The following PARP8 variants were observed in gnomAD, a reference collection of about 807,000 sequenced individuals.
PARP8 encodes protein mono-ADP-ribosyltransferase PARP8.
Under a neutral mutation model 124.1 loss-of-function variants are expected in PARP8, and 51 were observed. The ratio of observed to expected loss-of-function variants is 0.41; its 90% CI spans 0.33 to 0.52. The LOEUF (loss-of-function observed/expected upper bound fraction) is 0.52, where lower values mean the gene tolerates loss of function less well. PARP8 is among the 20% of genes least tolerant of loss of function. The pLI is 0.21. For missense variants in PARP8, 860 were observed against 1,018.9 expected (o/e 0.84, Z 2.12); for synonymous variants, 391 against 361.5 (o/e 1.08, Z -0.93).
chr5:50,786,280 A>G (rs1451629841), intron 9 of PARP8, among the ~76,000 whole-genome samples: 2 of 152,020 alleles, frequency 1.3e-5, no homozygotes, highest in Non-Finnish European at 2.9e-5. Flanking sequence ...TTCTTGCCAA[A>G]TGACTCATAA....
Position 50,778,566 on chromosome 5 carries a change from A to G in PARP8, c.586A>G (p.Ile196Val). ...TTTAAATATATTTGTGCAGGAGGAG[A>G]TTGCTGTGGCTTGGGAAGTAATTCG... ...HIDVSFLDEEIAVAWEVIRTE... is the reference protein window; with the variant it reads ...HIDVSFLDEEVAVAWEVIRTE... Residue 196 changes from isoleucine (I) to valine (V), a missense_variant, in exon 9 of 26, where the codon ATT becomes GTT. Physicochemically the swap from Ile to Val is conservative, Grantham distance 29 (BLOSUM62 3). Around this residue, in one of 2 missense-constraint regions of PARP8, gnomAD observed 517 missense variants for 544.2 expected, o/e 0.95. Transcript: ENST00000281631. The G allele has an allele frequency of 4.4e-6, 7 of 1,605,592 alleles. No individual in the cohort carries two copies. The highest frequency in any genetic ancestry group is 6.0e-6 in the Non-Finnish European group (7 of 1,176,044).
intron 5 of PARP8, among the ~76,000 whole-genome samples, chr5:50,760,708 T>A (rs1162697290): frequency 6.6e-6 from 1 of 152,124 alleles, no homozygotes; most frequent in East Asian, 1.9e-4. Context: ...TTTGATGGGA[T>A]CCTTAAAATT....
chr5:50,702,120 C>A (rs1414362156), intron 2 of PARP8, among the ~76,000 whole-genome samples: 1 of 151,912 alleles, frequency 6.6e-6, no homozygotes, highest in Non-Finnish European at 1.5e-5. Flanking sequence ...TGTAAGTATT[C>A]GTTTGCTTTT....
chr5:50,822,295 A>T, intron 16 of PARP8, 40 bp from the exon 17 acceptor site: 1 of 1,430,778 alleles, frequency 7.0e-7, no homozygotes, highest in South Asian at 1.1e-5. Context: ...AGAGCTTATA[A>T]GCAAATGCTG....
At chr5:50,802,318 A>AT (rs1052039454) in intron 14 of PARP8, among the ~76,000 whole-genome samples, 2 of 151,330 alleles carry the variant, frequency 1.3e-5, no homozygotes, top group Non-Finnish European at 1.5e-5. Context: ...TACCAACTTG[A>AT]TTTTTTTTTA....
intron 2 of PARP8, among the ~76,000 whole-genome samples, chr5:50,697,824 A>G (rs973094849): frequency 6.6e-6 from 1 of 152,206 alleles, no homozygotes; most frequent in African/African-American, 2.4e-5. Flanking sequence ...TTTAAGTAAT[A>G]TTCTCATTTG....
chr5:50,763,720 A>G (rs1004020351), intron 7 of PARP8, among the ~76,000 whole-genome samples: 7 of 151,720 alleles, frequency 4.6e-5, no homozygotes, highest in African/African-American at 1.2e-4. Flanking sequence ...TTATTTGGTG[A>G]TAAATTTACA....
intron 2 of PARP8, among the ~76,000 whole-genome samples, chr5:50,702,872 G>T (rs189411922): frequency 2.6e-5 from 4 of 152,288 alleles, no homozygotes; most frequent in Admixed American, 6.5e-5. Context: ...CGTTCCTTAA[G>T]TGCTTCCTCT....
intron 2 of PARP8, among the ~76,000 whole-genome samples, chr5:50,689,092 T>G (rs1752214438): frequency 6.6e-6 from 1 of 150,754 alleles, no homozygotes; most frequent in South Asian, 2.1e-4. Flanking sequence ...CTGGGGGCTC[T>G]TAAGCTGCTG....
chr5:50,733,674 G>A (rs1757205107), intron 2 of PARP8, among the ~76,000 whole-genome samples: 1 of 152,076 alleles, frequency 6.6e-6, no homozygotes, highest in Non-Finnish European at 1.5e-5. Context: ...CACAATTGTT[G>A]TATTAAATTG....
chr5:50,807,312 A>T (rs181285298), intron 14 of PARP8, among the ~76,000 whole-genome samples: 1 of 151,858 alleles, frequency 6.6e-6, no homozygotes, highest in East Asian at 1.9e-4. Context: ...TATAAATGTC[A>T]CTCTCAGATT....
intron 14 of PARP8, among the ~76,000 whole-genome samples, chr5:50,801,351 G>T (rs924679875): frequency 1.3e-5 from 2 of 151,714 alleles, no homozygotes; most frequent in African/African-American, 4.8e-5. Flanking sequence ...CGCCCACCTC[G>T]GCCTTCCAAA....
intron 2 of PARP8, among the ~76,000 whole-genome samples, chr5:50,679,249 T>C (rs1751008735): frequency 1.3e-5 from 2 of 152,288 alleles, no homozygotes; most frequent in East Asian, 1.9e-4. Flanking sequence ...TAAACCTTTA[T>C]AATTTTTAGA....
chr5:50,747,240 T>C (rs1430166444), intron 2 of PARP8, among the ~76,000 whole-genome samples: 3 of 145,974 alleles, frequency 2.1e-5, no homozygotes, highest in Admixed American at 1.4e-4. Flanking sequence ...ACTGGTGGAG[T>C]TGGGAACTCT....
At chr5:50,800,020 G>A (rs1229302188) in intron 14 of PARP8, among the ~76,000 whole-genome samples, 3 of 152,074 alleles carry the variant, frequency 2.0e-5, no homozygotes, top group African/African-American at 4.8e-5. Flanking sequence ...TACAGCAGCC[G>A]GAATAGACCA....
At chr5:50,760,148 A>G (rs1393766491) in intron 4 of PARP8, 144 bp from the exon 5 acceptor site, 1 of 787,674 alleles carries the variant, frequency 1.3e-6, no homozygotes, top group Non-Finnish European at 1.8e-6. Flanking sequence ...ACTCCTCAAC[A>G]TGACATGATT....
intron 25 of PARP8, 43 bp downstream of exon 25, chr5:50,835,058 C>T: frequency 6.5e-7 from 1 of 1,537,934 alleles, no homozygotes; most frequent in Non-Finnish European, 9.0e-7. Context: ...GTCTTTGCCA[C>T]AAATGGGTTA....
chr5:50,734,277 T>A (rs1757271360), intron 2 of PARP8, among the ~76,000 whole-genome samples: 1 of 152,154 alleles, frequency 6.6e-6, no homozygotes, highest in Non-Finnish European at 1.5e-5. Flanking sequence ...GGAAATCTCA[T>A]GAAGGAAATT....
chr5:50,698,267 T>C (rs1189343080), intron 2 of PARP8, among the ~76,000 whole-genome samples: 4 of 152,152 alleles, frequency 2.6e-5, no homozygotes, highest in Non-Finnish European at 5.9e-5. Flanking sequence ...TTCTAATTGA[T>C]TTATGTGTCT....
Sources: gnomAD v4.1 joint callset for allele counts (sites outside exome capture counted in the v4.1 genomes callset) on GRCh38, gnomAD v4.1.1 for gene constraint, gnomAD v4.1.1 regional missense constraint, MANE v1.5 for transcripts, NCBI Gene and HGNC (gene_info 2026-07-23, HGNC 2026-07-21) for gene names.